The following STPG2 variants were observed in gnomAD, a reference collection of about 807,000 sequenced individuals.
STPG2 encodes sperm-tail PG-rich repeat-containing protein 2.
Under a neutral mutation model 54.2 loss-of-function variants are expected in STPG2, and 56 were observed. That is an observed-to-expected ratio of 1.03 (90% CI 0.83 to 1.29). STPG2 has a LOEUF of 1.29. Among genes scored for constraint, STPG2 ranks in the 50% most tolerant of loss-of-function variants. The pLI, the probability that STPG2 is intolerant of heterozygous loss-of-function variation, is 0.00. For synonymous variants in STPG2, 200 were observed against 181.8 expected (o/e 1.10, Z -0.81); for missense variants, 596 against 544.9 (o/e 1.09, Z -0.93).
At chr4:97,508,834 G>A (rs1185655612) in intron 4 of STPG2, among the ~76,000 whole-genome samples, 4 of 152,012 alleles carry the variant, frequency 2.6e-5, no homozygotes, top group Non-Finnish European at 5.9e-5. Flanking sequence ...CTTTAATAGT[G>A]CTTTATACTA....
intron 10 of STPG2, among the ~76,000 whole-genome samples, chr4:97,580,471 T>G (rs1224770212): frequency 6.6e-6 from 1 of 151,972 alleles, no homozygotes; most frequent in Non-Finnish European, 1.5e-5. Context: ...GGATCAATCA[T>G]GAATGGTTTC....
intron 8 of STPG2, among the ~76,000 whole-genome samples, chr4:97,909,377 A>G (rs1731589020): frequency 6.6e-6 from 1 of 152,146 alleles, no homozygotes; most frequent in African/African-American, 2.4e-5. Flanking sequence ...CTACCCTCAA[A>G]TGGTTACACC....
At chr4:97,693,980 C>A (rs991795212) in intron 10 of STPG2, among the ~76,000 whole-genome samples, 4 of 152,074 alleles carry the variant, frequency 2.6e-5, no homozygotes, top group Admixed American at 2.6e-4. Context: ...AATAGTGACA[C>A]AACCTATCAA....
intron 5 of STPG2, among the ~76,000 whole-genome samples, chr4:98,037,262 C>A (rs768020119): frequency 2.0e-5 from 3 of 151,942 alleles, no homozygotes; most frequent in African/African-American, 7.2e-5. Context: ...GCAAACGTAC[C>A]AGTAAATTTA....
At chr4:97,755,472 T>C (rs1725699591) in intron 9 of STPG2, among the ~76,000 whole-genome samples, 1 of 152,190 alleles carries the variant, frequency 6.6e-6, no homozygotes, top group South Asian at 2.1e-4. Flanking sequence ...ATATGCTTAT[T>C]TTCCACAGAC....
At chr4:97,955,493 G>A (rs980823078) in intron 7 of STPG2, among the ~76,000 whole-genome samples, 3 of 152,128 alleles carry the variant, frequency 2.0e-5, no homozygotes, top group Non-Finnish European at 2.9e-5. Flanking sequence ...GGGATTACAG[G>A]TGTGAGCCAC....
At chr4:97,922,501 G>A (rs1362484081) in intron 8 of STPG2, among the ~76,000 whole-genome samples, 1 of 152,180 alleles carries the variant, frequency 6.6e-6, no homozygotes, top group African/African-American at 2.4e-5. Flanking sequence ...TACAAAAAAT[G>A]GTTGTATCTT....
intron 4 of STPG2, among the ~76,000 whole-genome samples, chr4:97,485,359 G>A (rs529366625): frequency 7.9e-5 from 12 of 151,904 alleles, no homozygotes; most frequent in South Asian, 2.1e-4. Flanking sequence ...ATTCAACAAC[G>A]TTTCTGGATA....
intron 8 of STPG2, among the ~76,000 whole-genome samples, chr4:97,914,768 G>A (rs1560587151): frequency 6.6e-6 from 1 of 152,208 alleles, no homozygotes; most frequent in Non-Finnish European, 1.5e-5. Context: ...ATGCTCCAAT[G>A]AGCATTTTCT....
intron 5 of STPG2, among the ~76,000 whole-genome samples, chr4:97,986,263 C>T (rs1346567963): frequency 6.6e-6 from 1 of 152,202 alleles, no homozygotes; most frequent in African/African-American, 2.4e-5. Context: ...CAGAGCCATA[C>T]ATACCACAGG....
At chr4:97,596,515 T>A (rs1004204783) in intron 10 of STPG2, among the ~76,000 whole-genome samples, 46 of 152,070 alleles carry the variant, frequency 3.0e-4, no homozygotes, top group Admixed American at 2.9e-3. Context: ...TAATTGGCCA[T>A]AAAACAATCC....
chr4:97,799,803 G>A (rs138364471), intron 9 of STPG2, among the ~76,000 whole-genome samples: 375 of 152,212 alleles, frequency 2.5e-3, no homozygotes, highest in Middle Eastern at 0.02. Context: ...CATTCTCCCC[G>A]TCACTTTCAG....
At chr4:97,884,863 A>G (rs1162204907) in intron 8 of STPG2, among the ~76,000 whole-genome samples, 5 of 152,110 alleles carry the variant, frequency 3.3e-5, no homozygotes, top group African/African-American at 1.2e-4. Context: ...CTTCTGACCT[A>G]CCTTTTCCTT....
chr4:97,728,647 G>T (rs1279306199), intron 9 of STPG2, among the ~76,000 whole-genome samples: 2 of 151,626 alleles, frequency 1.3e-5, no homozygotes, highest in African/African-American at 4.8e-5. Flanking sequence ...TCAAATCTGA[G>T]CATACCTGTT....
At chr4:97,795,641 A>T (rs1291390943) in intron 9 of STPG2, among the ~76,000 whole-genome samples, 2 of 152,214 alleles carry the variant, frequency 1.3e-5, no homozygotes, top group Non-Finnish European at 2.9e-5. Flanking sequence ...GCTATTGTGA[A>T]TAGTGCCACA....
intron 9 of STPG2, among the ~76,000 whole-genome samples, chr4:97,714,747 A>T (rs1423706729): frequency 6.6e-6 from 1 of 152,154 alleles, no homozygotes; most frequent in East Asian, 1.9e-4. Flanking sequence ...AATTAAAAAA[A>T]CACAAACTAT....
intron 5 of STPG2, among the ~76,000 whole-genome samples, chr4:98,092,816 G>C (rs1399069258): frequency 6.6e-6 from 1 of 151,930 alleles, no homozygotes; most frequent in Non-Finnish European, 1.5e-5. Context: ...AAATAACTTA[G>C]TTTGCAGCTA....
chr4:98,048,149 G>T (rs1737198662), intron 5 of STPG2, among the ~76,000 whole-genome samples: 1 of 152,090 alleles, frequency 6.6e-6, no homozygotes, highest in Non-Finnish European at 1.5e-5. Context: ...TACAGACCAA[G>T]GGGGCAGAAG....
At chr4:97,823,810 A>C (rs1177919565) in intron 9 of STPG2, among the ~76,000 whole-genome samples, 1 of 152,130 alleles carries the variant, frequency 6.6e-6, no homozygotes, top group African/African-American at 2.4e-5. Context: ...ACTGGATCCG[A>C]GGCCCAACCT....
Sources: gnomAD v4.1 joint callset for allele counts (sites outside exome capture counted in the v4.1 genomes callset) on GRCh38, gnomAD v4.1.1 for gene constraint, MANE v1.5 for transcripts, NCBI Gene and HGNC (gene_info 2026-07-23, HGNC 2026-07-21) for gene names.